Variants in SAMD4A observed in about 807,000 individuals in gnomAD.
SAMD4A encodes the protein protein Smaug homolog 1.
SAMD4A carries 33 observed loss-of-function variants against 81.3 expected under a neutral mutation model. That is an observed-to-expected ratio of 0.41 (90% CI 0.31 to 0.54). SAMD4A has a LOEUF of 0.54. Ranked by LOEUF, SAMD4A falls within the 20% of genes least tolerant of loss-of-function variation. SAMD4A has a pLI of 0.37. For synonymous variants in SAMD4A, 389 were observed against 382.1 expected (o/e 1.02, Z -0.21); for missense variants, 854 against 951.1 (o/e 0.90, Z 1.34).
chr14:54,749,898 G>A (rs2038059077), intron 5 of SAMD4A, among the ~76,000 whole-genome samples: 1 of 152,220 alleles, frequency 6.6e-6, no homozygotes, highest in African/African-American at 2.4e-5. Flanking sequence ...CAGATCACCA[G>A]TTCCCCAGTA....
intron 2 of SAMD4A, among the ~76,000 whole-genome samples, chr14:54,690,589 TATTTGTGTTACAG>T (rs2036407859): frequency 6.6e-6 from 1 of 152,208 alleles, no homozygotes; most frequent in Admixed American, 6.5e-5. Flanking sequence ...CTCCCCAAGT[TATTTGTGTTACAG>T]ACACTTCTAT....
chr14:54,784,167 A>C, intron 11 of SAMD4A: 2 of 588,548 alleles, frequency 3.4e-6, no homozygotes, highest in Non-Finnish European at 6.2e-6. Context: ...GAGCAGAGGA[A>C]GGAGAGAGCT....
At chr14:54,652,448 T>C (rs1188594131) in intron 2 of SAMD4A, among the ~76,000 whole-genome samples, 1 of 152,236 alleles carries the variant, frequency 6.6e-6, no homozygotes, top group African/African-American at 2.4e-5. Flanking sequence ...GTGGCTGGCC[T>C]GGGACTTGTA....
At chr14:54,671,579 T>C (rs2035880416) in intron 2 of SAMD4A, among the ~76,000 whole-genome samples, 1 of 152,112 alleles carries the variant, frequency 6.6e-6, no homozygotes, top group Non-Finnish European at 1.5e-5. Flanking sequence ...GGCACAGGGT[T>C]AGAGAAGGTG....
intron 2 of SAMD4A, among the ~76,000 whole-genome samples, chr14:54,632,273 T>C (rs1404047299): frequency 2.6e-5 from 4 of 152,234 alleles, no homozygotes; most frequent in Non-Finnish European, 4.4e-5. Context: ...CCTTTTTCCT[T>C]TTGGAAATCT....
Position 54,792,241 on chromosome 14 carries a change from G to A in SAMD4A, c.*3297G>A, listed in dbSNP as rs2039271231. On this transcript the variant is annotated 3_prime_UTR_variant, in exon 13 of 13. Coordinates refer to ENST00000554335, the MANE Select transcript of SAMD4A (RefSeq NM_015589.6). ...GGTCTGCCTGTCCGGGCGGCTCTTT[G>A]CACCGAGCTCTCAAATCCTGTGTAT... is the stretch of plus-strand genomic sequence containing the variant. The A allele has an allele frequency of 6.6e-6, 1 of 152,154 alleles. No homozygotes were observed. 9.4% of individuals were successfully genotyped at this position (152,154 alleles called of 1,614,324 possible).
chr14:54,724,451 A>G (rs913229225), intron 3 of SAMD4A, among the ~76,000 whole-genome samples: 27 of 152,136 alleles, frequency 1.8e-4, no homozygotes, highest in African/African-American at 6.3e-4. Context: ...TGAGGATTAA[A>G]TGGAACAACA....
Position 54,610,874 on chromosome 14 carries a change from C to T in SAMD4A, c.196+42762C>T, listed in dbSNP as rs138643187. The stretch of plus-strand genomic sequence containing the variant: ...AAGAGAAGGTTTTGGTTTTCTCTCT[C>T]TCAACAGCCAATATGCCCAAATCTG... On this transcript the variant is annotated intron_variant, in intron 2 of 12. Transcript: ENST00000554335. Among the ~76,000 whole-genome samples, 934 of 152,308 alleles carry T rather than the reference C, an allele frequency of 6.1e-3. 9 individuals carry two copies. Among genetic ancestry groups the T allele is most frequent in the African/African-American group, 0.021 (878 of 41,574 alleles).
rs896021681 is a variant in SAMD4A, at chr14:54,732,023, A to G, written c.716-5001A>G. On this transcript the variant is annotated intron_variant, in intron 3 of 12. Coordinates refer to ENST00000554335, the MANE Select transcript of SAMD4A (RefSeq NM_015589.6). ...AGGAGATAGTTGAACAATTGAAGGT[A>G]TACAGCACACAGGTTCCTGAGGCTA... 3.3e-5 allele frequency among the ~76,000 whole-genome samples: 5 copies of G among 152,346 alleles called. No homozygotes were observed. The East Asian group carries it at 9.6e-4, about 29-fold the overall frequency.
intron 2 of SAMD4A, among the ~76,000 whole-genome samples, chr14:54,649,759 G>A (rs2035364003): frequency 6.6e-6 from 1 of 152,162 alleles, no homozygotes; most frequent in Non-Finnish European, 1.5e-5. Flanking sequence ...ATTGTATGCT[G>A]TAAAAAGATT....
intron 11 of SAMD4A, among the ~76,000 whole-genome samples, chr14:54,777,264 C>CCTGGACAGTAGA (rs2139948392): frequency 6.6e-6 from 1 of 152,154 alleles, no homozygotes; most frequent in South Asian, 2.1e-4. Flanking sequence ...AGGAAAATGC[C>CCTGGACAGTAGA]CTGGACAGTA....
chr14:54,745,727 C>T (rs576842120), intron 4 of SAMD4A, among the ~76,000 whole-genome samples: 92 of 152,316 alleles, frequency 6.0e-4, no homozygotes, highest in Non-Finnish European at 2.6e-4. Context: ...TTATCTTTCT[C>T]ACACTGCATA....
In SAMD4A at chr14:54,760,478, A is replaced by C; in HGVS notation, c.1494A>C (p.Thr498=). ...AGGGGGACCTCCCCGGGCAGTTCAC[A>C]CGCGTCATGGGGAAAGGTAGAGCCT... The part of the protein sequence containing the change: ...LPEGDLPGQF[T]RVMGKVCTQL... Residue 498 remains threonine, a synonymous_variant, in exon 7 of 13, where the codon ACA becomes ACC. Transcript: ENST00000554335. The C allele has an allele frequency of 7.1e-7, 1 of 1,405,122 alleles. No homozygotes were observed. The highest frequency in any genetic ancestry group is 2.8e-5 in the East Asian group (1 of 35,136). The allele number at this position is 1,405,122 out of a possible 1,614,324, so 87.0% of individuals were successfully genotyped here. A position where few individuals can be genotyped will look rare whatever the true frequency, so the allele number is the denominator to read the frequency against.
intron 3 of SAMD4A, among the ~76,000 whole-genome samples, chr14:54,717,479 A>G (rs572606691): frequency 3.9e-5 from 6 of 151,904 alleles, no homozygotes; most frequent in East Asian, 1.9e-4. Flanking sequence ...TTTCATGCCT[A>G]TGATGTTGTT....
chr14:54,645,545 T>A (rs1256002001), intron 2 of SAMD4A, among the ~76,000 whole-genome samples: 1 of 152,232 alleles, frequency 6.6e-6, no homozygotes, highest in African/African-American at 2.4e-5. Context: ...TTAAAAAGCA[T>A]AAGACCTTAA....
intron 2 of SAMD4A, among the ~76,000 whole-genome samples, chr14:54,601,611 G>T (rs1359565734): frequency 6.6e-6 from 1 of 152,104 alleles, no homozygotes; most frequent in Non-Finnish European, 1.5e-5. Context: ...TAAATCAAAG[G>T]GCCATCACCT....
At chr14:54,781,238 T>A (rs978844284) in intron 11 of SAMD4A, among the ~76,000 whole-genome samples, 4 of 152,324 alleles carry the variant, frequency 2.6e-5, no homozygotes, top group South Asian at 4.1e-4. Flanking sequence ...TTACCCTCAG[T>A]GCCTTGGAGA....
intron 7 of SAMD4A, among the ~76,000 whole-genome samples, chr14:54,762,789 T>C (rs1214800728): frequency 6.6e-6 from 1 of 152,000 alleles, no homozygotes; most frequent in African/African-American, 2.4e-5. Context: ...TTCCCAGGGA[T>C]AGTCACTATT....
intron 2 of SAMD4A, among the ~76,000 whole-genome samples, chr14:54,635,296 G>C (rs1347976394): frequency 6.6e-6 from 1 of 150,856 alleles, no homozygotes; most frequent in South Asian, 2.1e-4. Context: ...ATGGTGGCAG[G>C]CACCTGTAAT....
Sources: gnomAD v4.1 joint callset for allele counts (sites outside exome capture counted in the v4.1 genomes callset) on GRCh38, gnomAD v4.1.1 for gene constraint, MANE v1.5 for transcripts, NCBI Gene and HGNC (gene_info 2026-07-23, HGNC 2026-07-21) for gene names.